PCDH11Y: variants seen among roughly 807,000 people sequenced by gnomAD.
The protein encoded by PCDH11Y is protocadherin-11 Y-linked.
For missense variants in PCDH11Y, 12 were observed against 224.8 expected, an observed-to-expected ratio of 0.05 and a Z score of 6.05; for synonymous variants, 9 against 83.6, an observed-to-expected ratio of 0.11 and a Z score of 4.87.
At chrY:5,451,438 A>G in intron 2 of PCDH11Y, among the ~76,000 whole-genome samples, 1 of 33,311 alleles carries the variant, frequency 3.0e-5, no homozygotes, top group Non-Finnish European at 7.4e-5. Context: ...CGGCTTGCTT[A>G]TAGCAGATAA....
chrY:5,075,697 A>G, intron 1 of PCDH11Y, among the ~76,000 whole-genome samples: 2 of 33,669 alleles, frequency 5.9e-5, no homozygotes, highest in African/African-American at 2.3e-4. Flanking sequence ...GCTTACTTCA[A>G]TTAACATAAT....
exon 5 of PCDH11Y, chrY:5,741,999 T>G: frequency 3.2e-5 from 1 of 31,715 alleles, no homozygotes; most frequent in Non-Finnish European, 7.8e-5. Context: ...GTATTTATGT[T>G]TGTATTGTGG....
rs2124619792 is a variant in PCDH11Y at position 5,021,291 on chromosome Y, G to C, written c.-133-10615G>C. Among the ~76,000 whole-genome samples, 6 of 33,095 alleles carry C rather than the reference G, an allele frequency of 1.8e-4. No homozygotes were observed. The East Asian group carries it at 4.9e-3, about 27-fold the overall frequency. The allele number at this position is 33,095 out of a possible 37,273, so 88.8% of individuals were successfully genotyped here. On this transcript the variant is annotated intron_variant, in intron 1 of 5. Coordinates refer to the PCDH11Y transcript ENST00000333703. ...GTAATTGATCCCAGCACTTTGGGAG[G>C]CCGAGGTGAGTGGATCGCTTGAGGC... is the stretch of plus-strand genomic sequence containing the variant.
intron 3 of PCDH11Y, among the ~76,000 whole-genome samples, chrY:5,551,993 C>T: frequency 3.1e-5 from 1 of 32,668 alleles, no homozygotes; most frequent in African/African-American, 1.2e-4. Context: ...GAAAGTTGTA[C>T]TGAACAGATT....
intron 2 of PCDH11Y, among the ~76,000 whole-genome samples, chrY:5,193,243 G>A: frequency 3.1e-5 from 1 of 32,764 alleles, no homozygotes; most frequent in Non-Finnish European, 7.4e-5. Flanking sequence ...ATTTTTCTGA[G>A]GCTAATAAGA....
chrY:5,425,634 A>C (rs2053262612), intron 2 of PCDH11Y, among the ~76,000 whole-genome samples: 45 of 32,831 alleles, frequency 1.4e-3, no homozygotes, highest in African/African-American at 5.3e-3. Context: ...TCTAAGTGGT[A>C]AATATTTGCT....
chrY:5,450,845 A>G, intron 2 of PCDH11Y, among the ~76,000 whole-genome samples: 1 of 33,065 alleles, frequency 3.0e-5, no homozygotes, highest in East Asian at 8.0e-4. Context: ...CACGCAATGC[A>G]TGGACAGCTT....
chrY:5,220,459 G>A (rs2052952020), intron 2 of PCDH11Y, among the ~76,000 whole-genome samples: 1 of 13,165 alleles, frequency 7.6e-5, no homozygotes, highest in Non-Finnish European at 1.4e-4. Flanking sequence ...TCACTCTGTC[G>A]CCCAGGCTGG....
intron 2 of PCDH11Y, among the ~76,000 whole-genome samples, chrY:5,162,380 A>C: frequency 9.1e-5 from 3 of 32,917 alleles, no homozygotes; most frequent in Non-Finnish European, 2.2e-4. Flanking sequence ...CTTTTGAAGT[A>C]ACTTATATTC....
At chrY:5,302,207 G>GAGGAAGGA (rs767610156) in intron 2 of PCDH11Y, among the ~76,000 whole-genome samples, 1,438 of 19,956 alleles carry the variant, frequency 0.072, no homozygotes, top group Middle Eastern at 0.19. Context: ...GGAAGGAAGG[G>GAGGAAGGA]AGGAAGGAAG....
chrY:5,325,778 C>T, intron 2 of PCDH11Y, among the ~76,000 whole-genome samples: 1 of 32,735 alleles, frequency 3.1e-5, no homozygotes, highest in Admixed American at 2.8e-4. Context: ...TATGACTAGA[C>T]AGAAAATAGT....
intron 2 of PCDH11Y, among the ~76,000 whole-genome samples, chrY:5,244,365 G>C (rs2052992948): frequency 3.0e-5 from 1 of 33,596 alleles, no homozygotes; most frequent in African/African-American, 1.2e-4. Flanking sequence ...AAGCAGCAGA[G>C]ATCGGAGGTT....
At chrY:5,415,960 G>GT (rs762115291) in intron 2 of PCDH11Y, among the ~76,000 whole-genome samples, 35 of 27,190 alleles carry the variant, frequency 1.3e-3, no homozygotes, top group East Asian at 1.9e-3. Context: ...TTTTTGTTTT[G>GT]TTTTTTTTTT....
At chrY:5,198,631 C>T in intron 2 of PCDH11Y, among the ~76,000 whole-genome samples, 1 of 32,917 alleles carries the variant, frequency 3.0e-5, no homozygotes. Context: ...AATAGCAAAG[C>T]TTTAAGAATG....
At chrY:5,351,246 T>C (rs2053158489) in intron 2 of PCDH11Y, among the ~76,000 whole-genome samples, 1 of 31,840 alleles carries the variant, frequency 3.1e-5, no homozygotes, top group Non-Finnish European at 7.7e-5. Context: ...TAAAAAAATC[T>C]CTTTTTTGAT....
At chrY:5,649,728 A>G in intron 4 of PCDH11Y, among the ~76,000 whole-genome samples, 1 of 33,315 alleles carries the variant, frequency 3.0e-5, no homozygotes, top group East Asian at 7.9e-4. Flanking sequence ...TATGTCATGC[A>G]TGCCCCTTTT....
At chrY:5,647,734 C>T (rs2053528428) in intron 4 of PCDH11Y, among the ~76,000 whole-genome samples, 1 of 32,568 alleles carries the variant, frequency 3.1e-5, no homozygotes, top group Admixed American at 2.8e-4. Flanking sequence ...CTCGAACTCC[C>T]GACCTCAGGT....
downstream of PCDH11Y, among the ~76,000 whole-genome samples, chrY:5,108,477 G>A: frequency 3.0e-5 from 1 of 33,032 alleles, no homozygotes; most frequent in Non-Finnish European, 7.4e-5. Flanking sequence ...GCCGGGCGTG[G>A]TGGCTTATGC....
intron 1 of PCDH11Y, among the ~76,000 whole-genome samples, chrY:5,081,938 T>G: frequency 3.0e-5 from 1 of 33,271 alleles, no homozygotes; most frequent in African/African-American, 1.2e-4. Context: ...GGCATCCTTG[T>G]CTTGTGCTGG....
Sources: gnomAD v4.1 joint callset for allele counts (sites outside exome capture counted in the v4.1 genomes callset) on GRCh38, gnomAD v4.1.1 for gene constraint, MANE v1.5 for transcripts, NCBI Gene and HGNC (gene_info 2026-07-23, HGNC 2026-07-21) for gene names.